SPAG16: variants seen among roughly 807,000 people sequenced by gnomAD.
The protein encoded by SPAG16 is sperm-associated antigen 16 protein.
SPAG16 carries 86 observed loss-of-function variants against 80.4 expected under a neutral mutation model. That is an observed-to-expected ratio of 1.07 (90% confidence interval 0.90 to 1.28). The LOEUF (loss-of-function observed/expected upper bound fraction) is 1.28, where lower values mean the gene tolerates loss of function less well. SPAG16 is among the 50% of genes most tolerant of loss of function. SPAG16 has a pLI of 0.00. For synonymous variants in SPAG16, 294 were observed against 265.9 expected (o/e 1.11, Z -1.03); for missense variants, 870 against 765.3 (o/e 1.14, Z -1.61).
intron 15 of SPAG16, among the ~76,000 whole-genome samples, chr2:214,282,035 G>A (rs1234605961): frequency 2.0e-5 from 3 of 152,256 alleles, no homozygotes; most frequent in African/African-American, 7.2e-5. Flanking sequence ...CATTATAAAG[G>A]AGAACAAAGA....
At chr2:213,316,676 C>T (rs1287829224) in intron 4 of SPAG16, among the ~76,000 whole-genome samples, 1 of 152,006 alleles carries the variant, frequency 6.6e-6, no homozygotes, top group Non-Finnish European at 1.5e-5. Flanking sequence ...TTCCTTGGTT[C>T]AGGGCCATTG....
intron 9 of SPAG16, among the ~76,000 whole-genome samples, chr2:213,428,731 A>G (rs757501300): frequency 3.3e-5 from 5 of 152,078 alleles, no homozygotes; most frequent in Non-Finnish European, 7.3e-5. Flanking sequence ...ACTGCACATG[A>G]CTTTACTGAG....
intron 15 of SPAG16, among the ~76,000 whole-genome samples, chr2:214,360,874 G>A (rs1308253635): frequency 6.6e-6 from 1 of 151,636 alleles, no homozygotes; most frequent in African/African-American, 2.4e-5. Flanking sequence ...CCTCTTTCTG[G>A]GGAAGAAAAA....
chr2:213,508,574 G>A (rs1055756245), intron 10 of SPAG16, among the ~76,000 whole-genome samples: 1 of 151,412 alleles, frequency 6.6e-6, no homozygotes, highest in African/African-American at 2.4e-5. Flanking sequence ...GTGAGACTCC[G>A]TCTCAAAAGA....
At chr2:213,591,451 A>G (rs1339614687) in intron 10 of SPAG16, among the ~76,000 whole-genome samples, 2 of 152,224 alleles carry the variant, frequency 1.3e-5, no homozygotes, top group Non-Finnish European at 2.9e-5. Context: ...CATGTGGATC[A>G]AAATTAGGGG....
intron 13 of SPAG16, among the ~76,000 whole-genome samples, chr2:214,030,712 G>A (rs2048362438): frequency 6.6e-6 from 1 of 152,134 alleles, no homozygotes; most frequent in Non-Finnish European, 1.5e-5. Context: ...ATAAACCTAG[G>A]AGACTGTAAC....
At chr2:213,317,815 G>A (rs937746877) in intron 5 of SPAG16, 23 of 811,756 alleles carry the variant, frequency 2.8e-5, no homozygotes, top group African/African-American at 1.7e-4. Flanking sequence ...ATGTAGGTTC[G>A]TCAGTTGTTA....
At chr2:214,329,214 T>C (rs1029268166) in intron 15 of SPAG16, among the ~76,000 whole-genome samples, 4 of 152,210 alleles carry the variant, frequency 2.6e-5, no homozygotes, top group Non-Finnish European at 4.4e-5. Context: ...GTGCAGAGTA[T>C]GACAAGATGC....
chr2:214,264,526 AC>A (rs1013180928), intron 15 of SPAG16, among the ~76,000 whole-genome samples: 25 of 151,672 alleles, frequency 1.6e-4, no homozygotes, highest in Non-Finnish European at 3.2e-4. Flanking sequence ...GTTTTCATAT[AC>A]CCCCTCTCCT....
chr2:214,059,811 G>A (rs2050162405), intron 13 of SPAG16, among the ~76,000 whole-genome samples: 1 of 151,948 alleles, frequency 6.6e-6, no homozygotes, highest in South Asian at 2.1e-4. Context: ...GATATTATGG[G>A]TTCTGAGCTA....
chr2:213,302,622 GGTGTGTGTGT>G (rs778369117), intron 3 of SPAG16: 9 of 64,874 alleles, frequency 1.4e-4, no homozygotes, highest in African/African-American at 4.5e-4. Flanking sequence ...GCTTGGAAGG[GGTGTGTGTGT>G]GTGTGTGTGT....
rs73081038 is a variant in SPAG16, at chr2:214,193,395, A to G, written c.1720+44129A>G. Among the ~76,000 whole-genome samples, 15 of 124,466 alleles carry G rather than the reference A, an allele frequency of 1.2e-4. No homozygotes were observed. In the South Asian group the frequency reaches 1.4e-3, roughly 12 times the overall value. The allele number at this position is 124,466 out of a possible 152,430, so 81.7% of individuals were successfully genotyped here. ...AACATCTAATTCAAAGAGATCTTTT[A>G]TGTGTGTGTGTGTGTGTGTGTGTGT... On this transcript the variant is annotated intron_variant, in intron 15 of 15. Coordinates refer to ENST00000331683, the MANE Select transcript of SPAG16 (RefSeq NM_024532.5).
chr2:214,144,770 G>T (rs1346372960), intron 14 of SPAG16, among the ~76,000 whole-genome samples: 2 of 151,870 alleles, frequency 1.3e-5, no homozygotes, highest in Non-Finnish European at 2.9e-5. Flanking sequence ...AAAAGAAAAA[G>T]GTATTTATAT....
intron 14 of SPAG16, among the ~76,000 whole-genome samples, chr2:214,123,694 T>C (rs2054332575): frequency 6.6e-6 from 1 of 151,730 alleles, no homozygotes; most frequent in Admixed American, 6.6e-5. Context: ...AGCAATAAGG[T>C]GAGAGTTGGG....
intron 14 of SPAG16, among the ~76,000 whole-genome samples, chr2:214,128,233 A>G (rs1374697444): frequency 4.5e-4 from 68 of 151,832 alleles, no homozygotes; most frequent in Admixed American, 6.7e-5. Context: ...CATCCTGTGT[A>G]TATGTCTATC....
At chr2:213,863,658 TA>T (rs1343559402) in intron 11 of SPAG16, among the ~76,000 whole-genome samples, 1 of 151,936 alleles carries the variant, frequency 6.6e-6, no homozygotes, top group Non-Finnish European at 1.5e-5. Context: ...CTTAGGAACA[TA>T]AAACCCATGT....
At chr2:214,068,807 A>G (rs1388151083) in intron 13 of SPAG16, among the ~76,000 whole-genome samples, 1 of 152,140 alleles carries the variant, frequency 6.6e-6, no homozygotes, top group African/African-American at 2.4e-5. Flanking sequence ...TAATGAGAGC[A>G]TTATTTATAA....
At chr2:213,918,799 G>C (rs2078082970) in intron 11 of SPAG16, among the ~76,000 whole-genome samples, 1 of 152,000 alleles carries the variant, frequency 6.6e-6, no homozygotes, top group East Asian at 1.9e-4. Flanking sequence ...TACTGATTCA[G>C]TTTTGTAACT....
At chr2:213,460,311 G>A (rs1159100958) in intron 9 of SPAG16, among the ~76,000 whole-genome samples, 2 of 152,088 alleles carry the variant, frequency 1.3e-5, no homozygotes, top group Non-Finnish European at 2.9e-5. Flanking sequence ...TTCTCTGTGT[G>A]CAACACTGTG....
Sources: gnomAD v4.1 joint callset for allele counts (sites outside exome capture counted in the v4.1 genomes callset) on GRCh38, gnomAD v4.1.1 for gene constraint, MANE v1.5 for transcripts, NCBI Gene and HGNC (gene_info 2026-07-23, HGNC 2026-07-21) for gene names.